SYT12: variants seen among roughly 807,000 people sequenced by gnomAD.
SYT12 encodes the protein synaptotagmin-12.
A neutral mutation model predicts 39.5 loss-of-function variants in SYT12; 27 were observed. That is an observed-to-expected ratio of 0.68 (90% CI 0.50 to 0.94). The LOEUF (loss-of-function observed/expected upper bound fraction) is 0.94, where lower values mean the gene tolerates loss of function less well. Ranked by LOEUF, SYT12 falls within the 40% of genes least tolerant of loss-of-function variation. The pLI, the probability that SYT12 is intolerant of heterozygous loss-of-function variation, is 0.00. For synonymous variants in SYT12, 233 were observed against 239.7 expected, an observed-to-expected ratio of 0.97 and a Z score of 0.26; for missense variants, 536 against 572.6, an observed-to-expected ratio of 0.94 and a Z score of 0.65.
At chr11:67,019,870 C>G (rs1250167490), upstream of SYT12, among the ~76,000 whole-genome samples, 2 of 148,426 alleles carry the variant, frequency 1.3e-5, no homozygotes, top group Admixed American at 1.3e-4. Context: ...GCACTCCAGC[C>G]TGGGTGAAAG....
chr11:67,041,877 A>G (rs1452261472), intron 4 of SYT12, among the ~76,000 whole-genome samples: 2 of 152,190 alleles, frequency 1.3e-5, no homozygotes, highest in Non-Finnish European at 2.9e-5. Flanking sequence ...AGAGGGGGGA[A>G]GGGTGGAGAA....
rs2136238892 is a variant in SYT12 at position 67,049,404 on chromosome 11, G to C, written c.*647G>C. 6.6e-6 allele frequency: 1 copy of C among 152,380 alleles called. No homozygotes were observed. The highest frequency in any genetic ancestry group is 2.4e-5 in the African/African-American group (1 of 41,582). 9.4% of individuals were successfully genotyped at this position (152,380 alleles called of 1,614,324 possible). Reference sequence around the variant, plus strand: ...GGGCCTTTCTCGGGGCCGGAGAAGAGACCAAGAGACCAGGCCCGGGCAGCA... The same window carrying C: ...GGGCCTTTCTCGGGGCCGGAGAAGACACCAAGAGACCAGGCCCGGGCAGCA... On this transcript the variant is annotated 3_prime_UTR_variant, in exon 8 of 8. Transcript: ENST00000527043.
chr11:67,047,400 T>A (rs1432235735), intron 7 of SYT12, among the ~76,000 whole-genome samples: 2 of 150,802 alleles, frequency 1.3e-5, no homozygotes, highest in Non-Finnish European at 3.0e-5. Context: ...CCCGAGTAGC[T>A]GGGATTACAG....
intron 1 of SYT12, chr11:67,029,280 A>C (rs1470140817): frequency 6.6e-6 from 1 of 152,280 alleles, no homozygotes; most frequent in African/African-American, 2.4e-5. Flanking sequence ...AAGGACTGAT[A>C]ATAGAATATT....
chr11:67,039,040 G>A (rs921472651), intron 3 of SYT12, among the ~76,000 whole-genome samples: 15 of 149,882 alleles, frequency 1.0e-4, no homozygotes, highest in Non-Finnish European at 1.9e-4. Context: ...GTGGTGGCTC[G>A]CACCTGTAAT....
In SYT12 at chr11:67,049,635, T is replaced by G. The variant is rs1854688590; in HGVS notation, c.*878T>G. ...GGGAGAAAGATGCCTCAGGCAGGTC[T>G]CAGCCTGGGGGTGGCAGGGGTGGGG... is the stretch of plus-strand genomic sequence containing the variant. On this transcript the variant is annotated 3_prime_UTR_variant, in exon 8 of 8. Coordinates refer to ENST00000527043, the MANE Select transcript of SYT12 (RefSeq NM_177963.4). The G allele has an allele frequency of 6.6e-6, 1 of 152,458 alleles. No individual in the cohort carries two copies. Among genetic ancestry groups the G allele is most frequent in the African/African-American group, 2.4e-5 (1 of 41,396 alleles). The allele number at this position is 152,458 out of a possible 1,614,324, so 9.4% of individuals were successfully genotyped here. A position where few individuals can be genotyped will look rare whatever the true frequency, so the allele number is the denominator to read the frequency against.
chr11:67,042,175 C>A (rs1950524646), intron 4 of SYT12, among the ~76,000 whole-genome samples: 1 of 152,148 alleles, frequency 6.6e-6, no homozygotes, highest in Non-Finnish European at 1.5e-5. Context: ...CAGTTTAGTA[C>A]CCCATGACTC....
chr11:67,017,393 T>C (rs1204801393), intron 3 of SYT12, among the ~76,000 whole-genome samples: 1 of 150,144 alleles, frequency 6.7e-6, no homozygotes, highest in Non-Finnish European at 1.5e-5. Context: ...GGAGTCTTGC[T>C]CTGTCGCCCA....
At chr11:67,034,932 C>T in intron 3 of SYT12, 94 bp downstream of exon 3, 1 of 964,060 alleles carries the variant, frequency 1.0e-6, no homozygotes, top group Non-Finnish European at 1.5e-6. Context: ...CCTCCGTCAC[C>T]ACCTCCTCCT....
chr11:67,033,311 T>A (rs1456555816), intron 2 of SYT12, among the ~76,000 whole-genome samples: 1 of 152,154 alleles, frequency 6.6e-6, no homozygotes, highest in Non-Finnish European at 1.5e-5. Flanking sequence ...GCTGCTCCCA[T>A]TCCCAGTACC....
At chr11:67,029,186 C>T (rs997496080) in intron 1 of SYT12, 1 of 152,226 alleles carries the variant, frequency 6.6e-6, no homozygotes, top group Non-Finnish European at 1.5e-5. Flanking sequence ...GCTCCCAGAC[C>T]TTTCTAGAAC....
At chr11:67,027,702 T>G (rs955977241) in intron 1 of SYT12, 2 of 152,338 alleles carry the variant, frequency 1.3e-5, no homozygotes, top group Non-Finnish European at 2.9e-5. Context: ...AGAGGCCAGA[T>G]GCAGCTTGAG....
upstream of SYT12, among the ~76,000 whole-genome samples, chr11:67,018,354 A>G (rs911007891): frequency 6.6e-6 from 1 of 152,000 alleles, no homozygotes; most frequent in Non-Finnish European, 1.5e-5. Flanking sequence ...GAGCAGTACC[A>G]AAAAAGAAAA....
chr11:67,030,434 G>T, intron 2 of SYT12: 1 of 486,986 alleles, frequency 2.1e-6, no homozygotes, highest in Non-Finnish European at 3.7e-6. Context: ...TCACTTGAAA[G>T]GGTCCCCGGG....
At position 67,048,566 on chromosome 11, in the gene SYT12, A is replaced by G. The variant is rs991605405; in HGVS notation, c.1093-18A>G. ...TGACTGCCCCTGGTCCTCAGCACCC[A>G]TGTTGCCTCTTCCTCAGGACCTGTC... On this transcript the variant is annotated intron_variant, in intron 7 of 7. Transcript: ENST00000527043. 3 of 1,588,134 alleles carry G rather than the reference A, an allele frequency of 1.9e-6. No homozygotes were observed. Among genetic ancestry groups the G allele is most frequent in the Non-Finnish European group, 2.6e-6 (3 of 1,159,040 alleles).
rs1477544363 is a variant in SYT12, at chr11:67,040,073, C to T, written c.491C>T (p.Thr164Ile). ...GTGGAGGTGAGCATGGAGTACGACACTGCCTCCCACACGCTGAACGTGGCG... is the reference window on the plus strand; with the variant it reads ...GTGGAGGTGAGCATGGAGTACGACATTGCCTCCCACACGCTGAACGTGGCG... ...GQVEVSMEYD[T>I]ASHTLNVAVM... Residue 164 changes from threonine to isoleucine, a missense_variant, in exon 4 of 8, where the codon ACT becomes ATT. Physicochemically the swap from Thr to Ile is moderately conservative, Grantham distance 89. Coordinates refer to ENST00000527043, the MANE Select transcript of SYT12 (RefSeq NM_177963.4). 1.2e-6 allele frequency: 2 copies of T among 1,613,878 alleles called. No individual in the cohort carries two copies. Among genetic ancestry groups the T allele is most frequent in the Non-Finnish European group, 1.7e-6 (2 of 1,180,012 alleles).
At chr11:67,036,549 G>T (rs1591369061) in intron 3 of SYT12, among the ~76,000 whole-genome samples, 1 of 152,226 alleles carries the variant, frequency 6.6e-6, no homozygotes. Context: ...AGCACAGCCA[G>T]AATCTATTAC....
intron 2 of SYT12, chr11:67,030,936 G>T (rs1950253926): frequency 6.6e-6 from 1 of 152,204 alleles, no homozygotes; most frequent in South Asian, 2.1e-4. Flanking sequence ...GTGCACTCAG[G>T]TCTCCTGACT....
In SYT12 at chr11:67,048,711, C is replaced by T. The variant is rs201343190; in HGVS notation, c.1220C>T (p.Thr407Met). The T allele has an allele frequency of 1.4e-5, 22 of 1,611,050 alleles. No homozygotes were observed. Among genetic ancestry groups the T allele is most frequent in the Admixed American group, 1.0e-4 (6 of 59,974 alleles). The change falls in exon 8 of 8, where the codon ACG becomes ATG. Residue 407 changes from threonine (T) to methionine (M), a missense_variant. By Grantham distance (81) the Thr-to-Met change is moderately conservative (BLOSUM62 -1). Coordinates refer to ENST00000527043, the MANE Select transcript of SYT12 (RefSeq NM_177963.4). ...ACACATTGGAACCAGATGTTGGCCA[C>T]GCTGCGCAGGCCCGTGTCCATGTGG... ...GTTHWNQMLA[T>M]LRRPVSMWHA...
Sources: gnomAD v4.1 joint callset for allele counts (sites outside exome capture counted in the v4.1 genomes callset) on GRCh38, gnomAD v4.1.1 for gene constraint, MANE v1.5 for transcripts, NCBI Gene and HGNC (gene_info 2026-07-23, HGNC 2026-07-21) for gene names.